Variants in DMD observed in about 807,000 individuals in gnomAD.
DMD encodes mutant dystrophin.
DMD carries 63 observed loss-of-function variants against 330.1 expected under a neutral mutation model. That is an observed-to-expected ratio of 0.19 (90% CI 0.16 to 0.24). The LOEUF is 0.24. DMD is among the 10% of genes least tolerant of loss of function. The pLI is 1.00. For synonymous variants in DMD, 1,223 were observed against 959.8 expected, an observed-to-expected ratio of 1.27 and a Z score of -5.07; for missense variants, 3,344 against 2,684.1, an observed-to-expected ratio of 1.25 and a Z score of -5.43.
At chrX:31,650,507 T>C (rs1430697235) in intron 54 of DMD, among the ~76,000 whole-genome samples, 2 of 111,451 alleles carry the variant, frequency 1.8e-5, no homozygotes, top group Non-Finnish European at 3.8e-5. Flanking sequence ...ATAAAAGGTA[T>C]GGCTATAAAA....
chrX:32,795,812 T>G (rs1040537950), intron 7 of DMD, among the ~76,000 whole-genome samples: 2 of 111,554 alleles, frequency 1.8e-5, no homozygotes, highest in Non-Finnish European at 3.8e-5. Flanking sequence ...TAATAAGTAT[T>G]TCTCAAAAGA....
chrX:31,289,261 AAAAATAAAAAATAAAAT>A (rs993191200), intron 62 of DMD, among the ~76,000 whole-genome samples: 3 of 86,287 alleles, frequency 3.5e-5, no homozygotes, highest in African/African-American at 1.6e-4. Flanking sequence ...CAAAAAAAAA[AAAAATAAAAAATAAAAT>A]AAAATCCATC....
At chrX:32,883,641 G>A (rs112362562) in intron 2 of DMD, among the ~76,000 whole-genome samples, 8 of 108,091 alleles carry the variant, frequency 7.4e-5, no homozygotes, top group African/African-American at 1.3e-4. Context: ...TGGCTAACAC[G>A]GTGAAACCCC....
intron 42 of DMD, among the ~76,000 whole-genome samples, chrX:32,292,158 T>C: frequency 9.1e-6 from 1 of 110,376 alleles, no homozygotes; most frequent in Non-Finnish European, 1.9e-5. Context: ...ATTTCTCTCC[T>C]GTACTACAAC....
intron 54 of DMD, among the ~76,000 whole-genome samples, chrX:31,649,642 A>G (rs921435678): frequency 1.8e-5 from 2 of 109,200 alleles, no homozygotes; most frequent in African/African-American, 6.7e-5. Flanking sequence ...GCAGTGGCAC[A>G]ATCTCAGCTC....
chrX:32,321,444 T>C (rs906102119), intron 41 of DMD, among the ~76,000 whole-genome samples: 4 of 110,785 alleles, frequency 3.6e-5, no homozygotes, highest in African/African-American at 1.3e-4. Flanking sequence ...TGTGGAATGA[T>C]CTGTTGGAGA....
At chrX:32,601,812 G>A (rs776642246) in intron 12 of DMD, among the ~76,000 whole-genome samples, 5 of 112,015 alleles carry the variant, frequency 4.5e-5, no homozygotes, top group Non-Finnish European at 9.4e-5. Flanking sequence ...ATGTGGTTAA[G>A]AAGATTGAAT....
intron 10 of DMD, 117 bp from the exon 11 acceptor site, chrX:32,644,430 A>G (rs749837608): frequency 1.3e-6 from 1 of 781,525 alleles, no homozygotes; most frequent in East Asian, 3.3e-5. Flanking sequence ...TATTCCCAGT[A>G]AAAGGAATTT....
intron 12 of DMD, among the ~76,000 whole-genome samples, chrX:32,605,218 A>G (rs944594612): frequency 9.0e-6 from 1 of 110,716 alleles, no homozygotes; most frequent in South Asian, 3.7e-4. Flanking sequence ...AGATTGATTT[A>G]ACCAAATTAA....
intron 51 of DMD, among the ~76,000 whole-genome samples, chrX:31,760,482 C>T (rs971683193): frequency 3.6e-5 from 4 of 111,843 alleles, no homozygotes; most frequent in Admixed American, 1.9e-4. Context: ...TGATTAGATA[C>T]ACAAATACTT....
chrX:31,448,030 A>AT (rs2065421359), intron 59 of DMD, among the ~76,000 whole-genome samples: 1 of 108,250 alleles, frequency 9.2e-6, no homozygotes, highest in Non-Finnish European at 1.9e-5. Flanking sequence ...AAAAAAAAAA[A>AT]AAAGAAAAAA....
intron 47 of DMD, among the ~76,000 whole-genome samples, chrX:31,904,609 C>G (rs2094457897): frequency 9.0e-6 from 1 of 111,512 alleles, no homozygotes; most frequent in Admixed American, 9.6e-5. Context: ...ACCGAAGGAA[C>G]TAAACGTGGC....
chrX:32,451,084 T>A (rs1317450509), intron 26 of DMD, among the ~76,000 whole-genome samples: 2 of 110,927 alleles, frequency 1.8e-5, no homozygotes, highest in Non-Finnish European at 3.8e-5. Flanking sequence ...CCATCTTTCA[T>A]TGCTAGGATT....
At chrX:32,160,957 C>T (rs755908386) in intron 44 of DMD, among the ~76,000 whole-genome samples, 1 of 111,562 alleles carries the variant, frequency 9.0e-6, no homozygotes, top group East Asian at 2.8e-4. Context: ...CAATAAATTC[C>T]TACTTATGTG....
chrX:31,350,592 CGTGTGTGTGT>C (rs747001189), intron 60 of DMD, among the ~76,000 whole-genome samples: 8 of 85,329 alleles, frequency 9.4e-5, no homozygotes, highest in East Asian at 7.9e-4. Flanking sequence ...AAATGTGGTA[CGTGTGTGTGT>C]GTGTGTGTGT....
At chrX:31,509,826 T>G (rs2071312460) in intron 55 of DMD, among the ~76,000 whole-genome samples, 1 of 112,467 alleles carries the variant, frequency 8.9e-6, no homozygotes, top group Admixed American at 9.4e-5. Context: ...GTTTTAGCAC[T>G]TTGGGAAATG....
At chrX:32,280,186 TAC>T (rs1381347736) in intron 43 of DMD, among the ~76,000 whole-genome samples, 5 of 25,800 alleles carry the variant, frequency 1.9e-4, no homozygotes, top group Non-Finnish European at 8.6e-4. Flanking sequence ...TATATATATA[TAC>T]ACACTATGTA....
intron 62 of DMD, among the ~76,000 whole-genome samples, chrX:31,278,232 A>G (rs1307942697): frequency 9.0e-6 from 1 of 111,630 alleles, no homozygotes; most frequent in Non-Finnish European, 1.9e-5. Context: ...CTACATAAAG[A>G]AATGGACAAA....
At chrX:32,453,839 G>T (rs2098343642) in intron 26 of DMD, among the ~76,000 whole-genome samples, 1 of 110,719 alleles carries the variant, frequency 9.0e-6, no homozygotes, top group African/African-American at 3.3e-5. Flanking sequence ...ACCAAAAAAA[G>T]ATCTACAGTA....
Sources: allele counts gnomAD v4.1 joint callset (sites outside exome capture counted in the v4.1 genomes callset), GRCh38; gene constraint gnomAD v4.1.1; transcripts MANE v1.5; gene names NCBI Gene and HGNC (gene_info 2026-07-23, HGNC 2026-07-21).